P2RX3: variants seen among roughly 807,000 people sequenced by gnomAD.
P2RX3 encodes the protein P2X purinoceptor 3.
P2RX3 carries 41 observed loss-of-function variants against 51.5 expected under a neutral mutation model. The observed-to-expected ratio is 0.80, with a 90% CI of 0.62 to 1.03. P2RX3 has a LOEUF of 1.03. P2RX3 is among the 50% of genes least tolerant of loss of function. The probability of loss-of-function intolerance (pLI) is 0.00; values close to 1 mark genes in which losing one functional copy is unlikely to be tolerated. For synonymous variants in P2RX3, 185 were observed against 191.6 expected (o/e 0.97, Z 0.29); for missense variants, 459 against 522.1 (o/e 0.88, Z 1.18).
chr11:57,347,398 G>T lies in P2RX3; in HGVS notation c.328-17G>T. 1 of 1,556,562 alleles carries T rather than the reference G, an allele frequency of 6.4e-7. No homozygotes were observed. ...AGGACAGTGTCCTTCACCAACCTGT[G>T]ACCCGTCTGCCCACAGAGTGAGGAG... is the stretch of plus-strand genomic sequence containing the variant. On this transcript the variant is annotated splice_polypyrimidine_tract_variant and intron_variant, in intron 3 of 11. Transcript: ENST00000263314.
At chr11:57,342,807 A>G (rs1856365979) in intron 1 of P2RX3, among the ~76,000 whole-genome samples, 1 of 148,348 alleles carries the variant, frequency 6.7e-6, no homozygotes, top group South Asian at 2.1e-4. Flanking sequence ...ACACCTTCCT[A>G]AGAGACCCCT....
chr11:57,348,181 G>C lies in P2RX3; in HGVS notation c.403G>C (p.Gly135Arg). The C allele has an allele frequency of 6.3e-7, 1 of 1,587,860 alleles. No homozygotes were observed. The highest frequency in any genetic ancestry group is 8.6e-7 in the Non-Finnish European group (1 of 1,166,838). ...ERLPGGGILT[G>R]RCVNYSSVLR... ...GGCTCTCACTTTAGGGATCCTCACT[G>C]GCCGCTGCGTGAACTACAGCTCTGT... Residue 135 changes from glycine (G) to arginine (R), a missense_variant, in exon 5 of 12, where the codon GGC becomes CGC. Physicochemically the swap from Gly to Arg is moderately radical, Grantham distance 125 (BLOSUM62 -2). Transcript: ENST00000263314.
rs1430926221 is a variant in P2RX3 at position 57,371,581 on chromosome 11, C to T, written c.*1584C>T. Among the ~76,000 whole-genome samples, 1 of 152,184 alleles carries T rather than the reference C, an allele frequency of 6.6e-6. No homozygotes were observed. Among genetic ancestry groups the T allele is most frequent in the Non-Finnish European group, 1.5e-5 (1 of 68,016 alleles). On this transcript the variant is annotated 3_prime_UTR_variant, in exon 12 of 12. Transcript: ENST00000263314. The stretch of plus-strand genomic sequence containing the variant: ...AAAGGCCTTGCCCAATGACCCCCCG[C>T]TCCAGGGGGAGAAGGGGTAAGACCC...
intron 8 of P2RX3, among the ~76,000 whole-genome samples, chr11:57,353,250 A>G (rs1301438608): frequency 6.6e-6 from 1 of 152,230 alleles, no homozygotes; most frequent in Non-Finnish European, 1.5e-5. Flanking sequence ...TCACCAAGCT[A>G]CTTATCAGTA....
In P2RX3 at chr11:57,347,149, ATTGT is replaced by A; in HGVS notation, c.291_294del (p.Val98LeufsTer40). 6.2e-7 allele frequency: 1 copy of A among 1,613,722 alleles called. No homozygotes were observed. The highest frequency in any genetic ancestry group is 8.5e-7 in the Non-Finnish European group (1 of 1,179,836). Reference sequence around the variant, plus strand: ...GGTCTTTGTCATCATCACCAAGATGATTGTTACTGAAAATCAGATGCAAGGATTC... The same window carrying A: ...GGTCTTTGTCATCATCACCAAGATGATACTGAAAATCAGATGCAAGGATTC... On this transcript the variant is annotated frameshift_variant, in exon 3 of 12. Coordinates refer to ENST00000263314, the MANE Select transcript of P2RX3 (RefSeq NM_002559.5). LOFTEE classifies it high-confidence loss of function.
chr11:57,346,585 C>T lies in P2RX3; in HGVS notation c.161C>T (p.Thr54Ile), dbSNP rs767731597. 6.2e-7 allele frequency: 1 copy of T among 1,614,198 alleles called. No homozygotes were observed. The highest frequency in any genetic ancestry group is 8.5e-7 in the Non-Finnish European group (1 of 1,180,038). The change falls in exon 2 of 12, where the codon ACA becomes ATA. Residue 54 changes from threonine to isoleucine, a missense_variant. Coordinates refer to ENST00000263314, the MANE Select transcript of P2RX3 (RefSeq NM_002559.5). ...LHEKAYQVRD[T>I]AIESSVVTKV... ...GAGAAGGCTTACCAGGTACGGGACA[C>T]AGCCATTGAGTCCTCGGTGGTAACC... is the stretch of plus-strand genomic sequence containing the variant.
chr11:57,368,088 C>T lies in P2RX3; in HGVS notation c.922C>T (p.Leu308=), dbSNP rs1856823873. Residue 308 remains leucine (L), a synonymous_variant, in exon 9 of 12, where the codon CTG becomes TTG. Coordinates refer to ENST00000263314, the MANE Select transcript of P2RX3 (RefSeq NM_002559.5). ...LKAFGIRFDV[L]VYGNAGKFNI... Reference sequence around the variant, plus strand: ...GGCTTTTGGCATCCGCTTCGACGTGCTGGTATACGGGAATGTGAGTCCATG... The same window carrying T: ...GGCTTTTGGCATCCGCTTCGACGTGTTGGTATACGGGAATGTGAGTCCATG... The T allele has an allele frequency of 6.2e-7, 1 of 1,614,136 alleles. No individual in the cohort carries two copies. The highest frequency in any genetic ancestry group is 1.3e-5 in the African/African-American group (1 of 75,056).
At chr11:57,357,381 G>A (rs760361359) in intron 8 of P2RX3, among the ~76,000 whole-genome samples, 1 of 152,136 alleles carries the variant, frequency 6.6e-6, no homozygotes, top group Non-Finnish European at 1.5e-5. Flanking sequence ...GAGCTCAGGG[G>A]TTTCATCTAC....
At chr11:57,358,546 G>C (rs561880678) in intron 8 of P2RX3, among the ~76,000 whole-genome samples, 1 of 152,230 alleles carries the variant, frequency 6.6e-6, no homozygotes, top group Admixed American at 6.5e-5. Flanking sequence ...TTCAGGCCTT[G>C]CTGTTAATCC....
At chr11:57,369,556 A>G (rs1020017448) in intron 11 of P2RX3, 118 bp downstream of exon 11, 29 of 954,540 alleles carry the variant, frequency 3.0e-5, no homozygotes, top group Non-Finnish European at 3.7e-5. Flanking sequence ...CCAGGCCTCA[A>G]TGAATATTTG....
chr11:57,348,435 C>A, intron 5 of P2RX3, 172 bp downstream of exon 5: 1 of 712,678 alleles, frequency 1.4e-6, no homozygotes, highest in Non-Finnish European at 2.3e-6. Context: ...CCCAGCCCAC[C>A]CACCTGCCTC....
At position 57,368,303 on chromosome 11, in the gene P2RX3, G is replaced by T. The variant is rs934297059; in HGVS notation, c.937-69G>T. ...CCACCAAGAACCCTTCTGGCGCCAC[G>T]TGCAGCCTCGGGCCTCACCCCCATC... On this transcript the variant is annotated intron_variant, in intron 9 of 11. Transcript: ENST00000263314. 4.5e-6 allele frequency: 7 copies of T among 1,552,200 alleles called. No homozygotes were observed. The African/African-American group carries it at 6.8e-5, about 15-fold the overall frequency.
chr11:57,362,463 G>A (rs1220621446), intron 8 of P2RX3, among the ~76,000 whole-genome samples: 1 of 152,206 alleles, frequency 6.6e-6, no homozygotes, highest in African/African-American at 2.4e-5. Flanking sequence ...TTTAGATGAG[G>A]AGGCTACAGG....
intron 6 of P2RX3, 85 bp from the exon 7 acceptor site, chr11:57,349,672 C>G: frequency 1.3e-6 from 2 of 1,555,336 alleles, no homozygotes; most frequent in Non-Finnish European, 1.8e-6. Context: ...CCCCCCTAGG[C>G]CTGGGCTCCG....
At chr11:57,347,875 TC>T (rs1856470278) in intron 4 of P2RX3, among the ~76,000 whole-genome samples, 1 of 151,996 alleles carries the variant, frequency 6.6e-6, no homozygotes, top group African/African-American at 2.4e-5. Context: ...AAAAGTTCAT[TC>T]CAGACAGAAG....
rs1269016114 is a variant in P2RX3 at position 57,372,099 on chromosome 11, A to G, written c.*2102A>G. Among the ~76,000 whole-genome samples, 1 of 152,246 alleles carries G rather than the reference A, an allele frequency of 6.6e-6. No homozygotes were observed. The highest frequency in any genetic ancestry group is 2.4e-5 in the African/African-American group (1 of 41,464). ...GTCTCTGTTGCATTATGGTTTACTC[A>G]GCACAATCACCAACATAATCACATG... On this transcript the variant is annotated 3_prime_UTR_variant, in exon 12 of 12. Transcript: ENST00000263314.
At chr11:57,350,581 C>A in intron 7 of P2RX3, 181 bp from the exon 8 acceptor site, 1 of 780,300 alleles carries the variant, frequency 1.3e-6, no homozygotes, top group Non-Finnish European at 2.0e-6. Context: ...CGCACCCGGC[C>A]ACCACAGCAC....
intron 1 of P2RX3, 148 bp from the exon 2 acceptor site, chr11:57,346,396 C>G: frequency 1.2e-6 from 1 of 858,830 alleles, no homozygotes; most frequent in South Asian, 1.7e-5. Flanking sequence ...ACCAAGGGCT[C>G]ACTCTAGGTC....
At chr11:57,368,182 G>C (rs532333644) in intron 9 of P2RX3, 80 bp downstream of exon 9, 8 of 1,447,746 alleles carry the variant, frequency 5.5e-6, no homozygotes, top group Admixed American at 3.4e-5. Context: ...AAGCTCCTCT[G>C]GGGGGCAGGG....
Sources: allele counts gnomAD v4.1 joint callset (sites outside exome capture counted in the v4.1 genomes callset), GRCh38; gene constraint gnomAD v4.1.1; transcripts MANE v1.5; gene names NCBI Gene and HGNC (gene_info 2026-07-23, HGNC 2026-07-21).